Variants in ADAMTS4 observed in about 807,000 individuals in gnomAD.
ADAMTS4 encodes ADAM metallopeptidase with thrombospondin type 1 motif 4, also known as A disintegrin and metalloproteinase with thrombospondin motifs 4.
A neutral mutation model predicts 66.7 loss-of-function variants in ADAMTS4; 38 were observed. That is an observed-to-expected ratio of 0.57 (90% CI 0.44 to 0.75). The LOEUF (loss-of-function observed/expected upper bound fraction) is 0.75. Among genes scored for constraint, ADAMTS4 ranks in the 30% least tolerant of loss-of-function variants. ADAMTS4 has a pLI of 0.00. For missense variants in ADAMTS4, 1,014 were observed against 1,116.7 expected, an observed-to-expected ratio of 0.91 and a Z score of 1.31; for synonymous variants, 418 against 461.5, an observed-to-expected ratio of 0.91 and a Z score of 1.21.
rs151227006 is a variant in ADAMTS4 at position 161,194,373 on chromosome 1, T to A, written c.1262-152A>T. ...ATTTAAATTTTTGTTATTTATAATT[T>A]TTATTTTAATTACTTACTTTTTTTT... is the stretch of plus-strand genomic sequence containing the variant. On this transcript the variant is annotated intron_variant, in intron 4 of 8. Coordinates refer to ENST00000367996, the MANE Select transcript of ADAMTS4 (RefSeq NM_005099.6). This position sits in a 1 kb window ranked among gnomAD's most constrained non-coding sequence, Gnocchi z 4.1. The A allele has an allele frequency of 1.8e-3, 1,160 of 657,448 alleles. 27 individuals are homozygous for A. The East Asian group carries it at 0.028, about 16-fold the overall frequency. The allele number at this position is 657,448 out of a possible 1,614,324, so 40.7% of individuals were successfully genotyped here. A position where few individuals can be genotyped will look rare whatever the true frequency, so the allele number is the denominator to read the frequency against.
chr1:161,195,820 C>T (rs1664807823), intron 3 of ADAMTS4, 185 bp from the exon 4 acceptor site: 1 of 615,626 alleles, frequency 1.6e-6, no homozygotes, highest in Admixed American at 3.5e-5. Flanking sequence ...TCTCTGTCTC[C>T]TCTTCCCCAA....
Position 161,192,130 on chromosome 1 carries a change from C to A in ADAMTS4, c.2022G>T (p.Lys674Asn). The change falls in exon 8 of 9, where the codon AAG (lysine) becomes AAT (asparagine). Residue 674 changes from lysine to asparagine, a missense_variant. Lys to Asn is a moderately conservative substitution (Grantham distance 94). Coordinates refer to ENST00000367996, the MANE Select transcript of ADAMTS4 (RefSeq NM_005099.6). The part of the protein sequence containing the change: ...RIIGSKKKFD[K>N]CMVCGGDGSG... ...AACCGTCCCCTCCGCACACCATGCA[C>A]TTGTCAAACTTCTTCTTGGAGCCAA... 1 of 1,614,112 alleles carries A rather than the reference C, an allele frequency of 6.2e-7. No homozygotes were observed. The highest frequency in any genetic ancestry group is 8.5e-7 in the Non-Finnish European group (1 of 1,180,034).
intron 8 of ADAMTS4, 132 bp from the exon 9 acceptor site, chr1:161,191,696 T>C (rs1214918593): frequency 1.1e-6 from 1 of 952,298 alleles, no homozygotes; most frequent in African/African-American, 1.6e-5. Context: ...AGCTGTTCGG[T>C]CTGGATCAGA....
chr1:161,198,711 G>T lies in ADAMTS4; in HGVS notation c.-84C>A. 7.7e-7 allele frequency: 1 copy of T among 1,300,598 alleles called. No homozygotes were observed. Among genetic ancestry groups the T allele is most frequent in the Non-Finnish European group, 1.0e-6 (1 of 974,238 alleles). The allele number at this position is 1,300,598 out of a possible 1,614,324, so 80.6% of individuals were successfully genotyped here. On this transcript the variant is annotated 5_prime_UTR_variant, in exon 1 of 9. Transcript: ENST00000367996. The surrounding 1 kb of genome is among the most constrained non-coding windows in gnomAD (Gnocchi z 4.7). Reference sequence around the variant, plus strand: ...CCCTAGCTTTGGAAAGCTCCTCTCTGTAGCCTGGGGGCTTGGACTCCTGCC... The same window carrying T: ...CCCTAGCTTTGGAAAGCTCCTCTCTTTAGCCTGGGGGCTTGGACTCCTGCC...
At chr1:161,192,572 C>CACACAAATG (rs1664709127) in intron 7 of ADAMTS4, among the ~76,000 whole-genome samples, 1 of 151,970 alleles carries the variant, frequency 6.6e-6, no homozygotes, top group Non-Finnish European at 1.5e-5. Context: ...GCTAAAGAAC[C>CACACAAATG]TGTCCAAAAG....
chr1:161,198,648 G>A lies in ADAMTS4; in HGVS notation c.-21C>T. 2 of 1,481,564 alleles carry A rather than the reference G, an allele frequency of 1.3e-6. No homozygotes were observed. Among genetic ancestry groups the A allele is most frequent in the Admixed American group, 2.4e-5 (1 of 42,516 alleles). 91.8% of individuals were successfully genotyped at this position (1,481,564 alleles called of 1,614,324 possible). On this transcript the variant is annotated 5_prime_UTR_variant, in exon 1 of 9. Coordinates refer to ENST00000367996, the MANE Select transcript of ADAMTS4 (RefSeq NM_005099.6). This position sits in a 1 kb window ranked among gnomAD's most constrained non-coding sequence, Gnocchi z 4.7. ...GACATGGCACTGGTACTGCAGCTGG[G>A]AGGGACTGAGGCCGTCTAGGGCACC...
In ADAMTS4 at chr1:161,192,145, C is replaced by T; in HGVS notation, c.2007G>A (p.Lys669=). 1 of 1,614,130 alleles carries T rather than the reference C, an allele frequency of 6.2e-7. No individual in the cohort carries two copies. Among genetic ancestry groups the T allele is most frequent in the South Asian group, 1.1e-5 (1 of 91,080 alleles). ...ACACCATGCACTTGTCAAACTTCTTCTTGGAGCCAATGATGCGATCACAGC... is the reference window on the plus strand; with the variant it reads ...ACACCATGCACTTGTCAAACTTCTTTTTGGAGCCAATGATGCGATCACAGC... ...HAGCDRIIGS[K]KKFDKCMVCG... The change falls in exon 8 of 9, where the codon AAG becomes AAA. Residue 669 remains lysine (K), a synonymous_variant. Transcript: ENST00000367996.
In ADAMTS4 at chr1:161,198,707, C is replaced by A; in HGVS notation, c.-80G>T. On this transcript the variant is annotated 5_prime_UTR_variant, in exon 1 of 9. Transcript: ENST00000367996. This position sits in a 1 kb window ranked among gnomAD's most constrained non-coding sequence, Gnocchi z 4.7. ...CACACCCTAGCTTTGGAAAGCTCCTCTCTGTAGCCTGGGGGCTTGGACTCC... is the reference window on the plus strand; with the variant it reads ...CACACCCTAGCTTTGGAAAGCTCCTATCTGTAGCCTGGGGGCTTGGACTCC... The A allele has an allele frequency of 7.6e-7, 1 of 1,323,382 alleles. No individual in the cohort carries two copies. The highest frequency in any genetic ancestry group is 1.5e-5 in the South Asian group (1 of 64,684). The allele number at this position is 1,323,382 out of a possible 1,614,324, so 82.0% of individuals were successfully genotyped here.
At position 161,188,600 on chromosome 1, in the gene ADAMTS4, TCTC is replaced by T. The variant is rs1664591225; in HGVS notation, c.*2535_*2537del. ...AAATGCAGATGTTTTATTCCCTCCC[TCTC>T]CTCAGGCATCAGGTATTCTGCCATT... On this transcript the variant is annotated 3_prime_UTR_variant, in exon 9 of 9. Coordinates refer to ENST00000367996, the MANE Select transcript of ADAMTS4 (RefSeq NM_005099.6). The T allele has an allele frequency of 6.6e-6, 1 of 150,958 alleles. No homozygotes were observed. The highest frequency in any genetic ancestry group is 2.4e-5 in the African/African-American group (1 of 40,920). 9.4% of individuals were successfully genotyped at this position (150,958 alleles called of 1,614,324 possible). A position where few individuals can be genotyped will look rare whatever the true frequency, so the allele number is the denominator to read the frequency against.
Position 161,198,373 on chromosome 1 carries a change from C to A in ADAMTS4, c.255G>T (p.Leu85Phe). The change falls in exon 1 of 9, where the codon TTG (leucine) becomes TTT (phenylalanine). Residue 85 changes from leucine (L) to phenylalanine (F), a missense_variant. Leu to Phe is a conservative substitution (Grantham distance 22). Transcript: ENST00000367996. The surrounding 1 kb of genome is among the most constrained non-coding windows in gnomAD (Gnocchi z 4.7). ...GTAGCAGCGTCTCCCCAAAGGCCTGCAAGCGGCACAACAGCCTGGCAGGGG... is the reference window on the plus strand; with the variant it reads ...GTAGCAGCGTCTCCCCAAAGGCCTGAAAGCGGCACAACAGCCTGGCAGGGG... ...SGAPARLLCR[L>F]QAFGETLLLE... is the part of the protein sequence containing the mutation. The A allele has an allele frequency of 6.2e-7, 1 of 1,612,794 alleles. No homozygotes were observed. The highest frequency in any genetic ancestry group is 1.3e-5 in the African/African-American group (1 of 75,042).
intron 1 of ADAMTS4, 46 bp downstream of exon 1, chr1:161,197,949 A>G (rs769266138): frequency 1.5e-5 from 23 of 1,520,654 alleles, no homozygotes; most frequent in Non-Finnish European, 1.9e-5. Flanking sequence ...AGTAGGACAG[A>G]CATGGCGGGA....
chr1:161,192,714 G>A (rs1472085382), intron 7 of ADAMTS4, among the ~76,000 whole-genome samples: 5 of 152,146 alleles, frequency 3.3e-5, no homozygotes, highest in African/African-American at 9.7e-5. Flanking sequence ...AAATTCTCAG[G>A]TTGGGGCGAA....
chr1:161,195,895 C>A, intron 3 of ADAMTS4: 1 of 551,274 alleles, frequency 1.8e-6, no homozygotes, highest in Non-Finnish European at 3.1e-6. Context: ...TGTGACCCCA[C>A]CCATTGTCTC....
In ADAMTS4 at chr1:161,198,004, T is replaced by C; in HGVS notation, c.624A>G (p.Arg208=). ...CTCCAGAGATGCCTACCTTGGCTCT[T>C]CGGGGTCTGGGGCTGGGGCTTCCAA... is the stretch of plus-strand genomic sequence containing the variant. ...APLGSPSPRP[R]RAKRFASLSR... The change falls in exon 1 of 9, where the codon CGA becomes CGG. Residue 208 remains arginine, a synonymous_variant. Transcript: ENST00000367996. The surrounding 1 kb of genome is among the most constrained non-coding windows in gnomAD (Gnocchi z 4.7). 6.4e-7 allele frequency: 1 copy of C among 1,559,418 alleles called. No individual in the cohort carries two copies. The highest frequency in any genetic ancestry group is 8.7e-7 in the Non-Finnish European group (1 of 1,150,746).
intron 8 of ADAMTS4, 45 bp from the exon 9 acceptor site, chr1:161,191,609 C>T: frequency 6.5e-7 from 1 of 1,544,800 alleles, no homozygotes; most frequent in Non-Finnish European, 8.8e-7. Context: ...ACCTGAATCC[C>T]CTCAGCCTTC....
chr1:161,191,964 C>A, intron 8 of ADAMTS4, 101 bp downstream of exon 8: 2 of 1,372,066 alleles, frequency 1.5e-6, no homozygotes, highest in South Asian at 1.3e-5. Flanking sequence ...TCCCGCTAGA[C>A]TGTGAGCTCT....
Position 161,196,624 on chromosome 1 carries a change from C to T in ADAMTS4, c.890G>A (p.Arg297Gln), listed in dbSNP as rs774763872. The part of the protein sequence containing the change: ...QTLRSFCAWQ[R>Q]GLNTPEDSDP... ...CGAGTCCTCAGGGGTGTTGAGGCCC[C>T]GCTGCCAGGCACAGAAGCTGCGCAG... Residue 297 changes from arginine to glutamine, a missense_variant, in exon 2 of 9, where the codon CGG becomes CAG. Arg to Gln is a conservative substitution (Grantham distance 43). Coordinates refer to ENST00000367996, the MANE Select transcript of ADAMTS4 (RefSeq NM_005099.6). The T allele has an allele frequency of 7.4e-6, 12 of 1,614,074 alleles. No individual in the cohort carries two copies. The highest frequency in any genetic ancestry group is 2.7e-5 in the African/African-American group (2 of 74,936).
intron 7 of ADAMTS4, among the ~76,000 whole-genome samples, chr1:161,192,957 T>A (rs1664716045): frequency 6.6e-6 from 1 of 152,038 alleles, no homozygotes; most frequent in South Asian, 2.1e-4. Flanking sequence ...AAATGCAGCA[T>A]TAGAAGATGG....
At chr1:161,195,872 C>A in intron 3 of ADAMTS4, 1 of 560,306 alleles carries the variant, frequency 1.8e-6, no homozygotes, top group Non-Finnish European at 3.1e-6. Context: ...TCCTTATAGC[C>A]AACATTCCCA....
Sources: gnomAD v4.1 joint callset for allele counts (sites outside exome capture counted in the v4.1 genomes callset) on GRCh38, gnomAD v4.1.1 for gene constraint, Gnocchi (gnomAD v3.1) non-coding constraint, MANE v1.5 for transcripts, NCBI Gene and HGNC (gene_info 2026-07-23, HGNC 2026-07-21) for gene names.